Variants in CRIM1 observed in about 807,000 individuals in gnomAD.
CRIM1 encodes cysteine-rich motor neuron 1 protein.
A neutral mutation model predicts 116.4 loss-of-function variants in CRIM1; 32 were observed. The ratio of observed to expected loss-of-function variants is 0.27; its 90% CI spans 0.21 to 0.37. CRIM1 has a LOEUF of 0.37. Ranked by LOEUF, CRIM1 falls within the 10% of genes least tolerant of loss-of-function variation. CRIM1 has a pLI of 1.00. For synonymous variants in CRIM1, 590 were observed against 509.2 expected, an observed-to-expected ratio of 1.16 and a Z score of -2.13; for missense variants, 1,331 against 1,354.8, an observed-to-expected ratio of 0.98 and a Z score of 0.28.
At chr2:36,529,176 C>G (rs962321568) in intron 13 of CRIM1, 2 of 471,278 alleles carry the variant, frequency 4.2e-6, no homozygotes, top group Non-Finnish European at 8.8e-6. Flanking sequence ...ATTTTGTACC[C>G]TCTAGTGGTC....
chr2:36,521,717 C>T (rs998656174), intron 12 of CRIM1, among the ~76,000 whole-genome samples: 1 of 152,150 alleles, frequency 6.6e-6, no homozygotes, highest in Non-Finnish European at 1.5e-5. Flanking sequence ...CCATTAGCTA[C>T]GGCTAGATGA....
At chr2:36,397,732 G>A (rs1019693707) in intron 2 of CRIM1, among the ~76,000 whole-genome samples, 1 of 152,118 alleles carries the variant, frequency 6.6e-6, no homozygotes, top group Admixed American at 6.6e-5. Context: ...ATATTAAATG[G>A]TAAGGAAGAA....
At chr2:36,545,701 T>C (rs1414458053) in intron 15 of CRIM1, among the ~76,000 whole-genome samples, 1 of 152,214 alleles carries the variant, frequency 6.6e-6, no homozygotes, top group Non-Finnish European at 1.5e-5. Context: ...GAAGACTGAA[T>C]TTTGTAAACA....
At chr2:36,383,942 A>G (rs1221169452) in intron 1 of CRIM1, among the ~76,000 whole-genome samples, 1 of 152,252 alleles carries the variant, frequency 6.6e-6, no homozygotes, top group East Asian at 1.9e-4. Context: ...TTCCAGGTGC[A>G]GAAGATACAG....
chr2:36,488,849 C>G (rs566515724), intron 7 of CRIM1, among the ~76,000 whole-genome samples: 1 of 152,280 alleles, frequency 6.6e-6, no homozygotes, highest in East Asian at 1.9e-4. Context: ...TAAGAATCCT[C>G]AAGATCCTAA....
chr2:36,388,534 T>C (rs934636636), intron 1 of CRIM1, among the ~76,000 whole-genome samples: 2 of 152,310 alleles, frequency 1.3e-5, no homozygotes, highest in African/African-American at 4.8e-5. Flanking sequence ...ATGTCCTTTT[T>C]GTAATTAAAA....
intron 4 of CRIM1, among the ~76,000 whole-genome samples, chr2:36,445,696 C>T (rs1489492973): frequency 6.6e-6 from 1 of 151,906 alleles, no homozygotes; most frequent in Non-Finnish European, 1.5e-5. Flanking sequence ...TTAGCATATT[C>T]AGTGGATTCC....
intron 2 of CRIM1, among the ~76,000 whole-genome samples, chr2:36,402,459 T>A: frequency 6.8e-6 from 1 of 148,084 alleles, no homozygotes; most frequent in Non-Finnish European, 1.5e-5. Flanking sequence ...GAGGGAGGGG[T>A]AAGGGCCAGA....
intron 7 of CRIM1, among the ~76,000 whole-genome samples, chr2:36,480,463 A>G (rs886531331): frequency 6.6e-6 from 1 of 152,250 alleles, no homozygotes; most frequent in African/African-American, 2.4e-5. Context: ...TTTGCATAGT[A>G]AAATGAACTA....
At chr2:36,360,327 A>G (rs1669135815) in intron 1 of CRIM1, among the ~76,000 whole-genome samples, 1 of 152,188 alleles carries the variant, frequency 6.6e-6, no homozygotes, top group African/African-American at 2.4e-5. Flanking sequence ...CTGTTGTATT[A>G]GATTCAGGTG....
chr2:36,408,036 G>A (rs1189994362), intron 2 of CRIM1, among the ~76,000 whole-genome samples: 1 of 152,132 alleles, frequency 6.6e-6, no homozygotes, highest in East Asian at 1.9e-4. Flanking sequence ...CTAATCCCAG[G>A]TTGGTTAAAG....
At chr2:36,531,785 A>G in intron 13 of CRIM1, 1 of 398,846 alleles carries the variant, frequency 2.5e-6, no homozygotes, top group South Asian at 1.9e-5. Flanking sequence ...CCCACACTGA[A>G]TTTTCCAGAC....
At chr2:36,449,711 C>A (rs964560933) in intron 4 of CRIM1, among the ~76,000 whole-genome samples, 1 of 152,086 alleles carries the variant, frequency 6.6e-6, no homozygotes, top group East Asian at 1.9e-4. Flanking sequence ...AAGCCGCTAG[C>A]GACAGGAGAC....
chr2:36,497,081 G>A (rs373167340), intron 7 of CRIM1, among the ~76,000 whole-genome samples: 160 of 152,268 alleles, frequency 1.1e-3, no homozygotes, highest in African/African-American at 3.5e-3. Context: ...TTAATCTTCA[G>A]TATATACTTT....
chr2:36,476,153 A>G (rs1397395802), intron 5 of CRIM1, among the ~76,000 whole-genome samples: 1 of 152,156 alleles, frequency 6.6e-6, no homozygotes, highest in Non-Finnish European at 1.5e-5. Context: ...TGAGACTTCT[A>G]AATATGGGAC....
intron 7 of CRIM1, among the ~76,000 whole-genome samples, chr2:36,494,118 A>G (rs1433590373): frequency 2.6e-5 from 4 of 152,164 alleles, no homozygotes; most frequent in Non-Finnish European, 5.9e-5. Flanking sequence ...GAATAACCGA[A>G]TATGTATTTA....
At position 36,355,825 on chromosome 2, in the gene CRIM1, G is replaced by A. The variant is rs1264705290; in HGVS notation, c.-468G>A. ...GCGGAGCGGACGCCGCGGATCTTGT[G>A]CTGCGCCACCGCGCCCACTCGGCAG... On this transcript the variant is annotated 5_prime_UTR_variant, in exon 1 of 17. Coordinates refer to ENST00000280527, the MANE Select transcript of CRIM1 (RefSeq NM_016441.3). 1 of 151,686 alleles carries A rather than the reference G, an allele frequency of 6.6e-6. No individual in the cohort carries two copies. The highest frequency in any genetic ancestry group is 2.4e-5 in the African/African-American group (1 of 41,326). The allele number at this position is 151,686 out of a possible 1,614,324, so 9.4% of individuals were successfully genotyped here. A position where few individuals can be genotyped will look rare whatever the true frequency, so the allele number is the denominator to read the frequency against.
At chr2:36,468,963 C>T (rs1678270376) in intron 5 of CRIM1, among the ~76,000 whole-genome samples, 1 of 152,174 alleles carries the variant, frequency 6.6e-6, no homozygotes. Flanking sequence ...ACTTATAAAA[C>T]GTTCCCCAAG....
chr2:36,436,263 G>A (rs868532285), intron 2 of CRIM1, among the ~76,000 whole-genome samples: 3 of 152,138 alleles, frequency 2.0e-5, no homozygotes, highest in South Asian at 2.1e-4. Context: ...TAAGTGACAA[G>A]CTGATGACTA....
Sources: gnomAD v4.1 joint callset for allele counts (sites outside exome capture counted in the v4.1 genomes callset) on GRCh38, gnomAD v4.1.1 for gene constraint, MANE v1.5 for transcripts, NCBI Gene and HGNC (gene_info 2026-07-23, HGNC 2026-07-21) for gene names.